The following DAP3 variants were observed in gnomAD, a reference collection of about 807,000 sequenced individuals.
The protein encoded by DAP3 is small ribosomal subunit protein mS29.
In DAP3, 28 loss-of-function variants were observed where a neutral mutation model predicts 51.9. The ratio of observed to expected loss-of-function variants is 0.54; its 90% CI spans 0.40 to 0.74. The LOEUF (loss-of-function observed/expected upper bound fraction) is 0.74. Ranked by LOEUF, DAP3 falls within the 30% of genes least tolerant of loss-of-function variation. The pLI, the probability that DAP3 is intolerant of heterozygous loss-of-function variation, is 0.00. For missense variants in DAP3, 458 were observed against 483.5 expected (o/e 0.95, Z 0.49); for synonymous variants, 170 against 170.3 (o/e 1.00, Z 0.01).
rs1659212851 is a variant in DAP3, at chr1:155,731,259, T to C, written c.844-97T>C. The C allele has an allele frequency of 9.9e-6, 12 of 1,217,884 alleles. No homozygotes were observed. The South Asian group carries it at 1.5e-4, about 15-fold the overall frequency. 75.4% of individuals were successfully genotyped at this position (1,217,884 alleles called of 1,614,324 possible). ...TCCAGCCTGGGCGACAGAGCGAGAC[T>C]CTGTCAAAAAAAAAAAAAAATTGTT... is the stretch of plus-strand genomic sequence containing the variant. On this transcript the variant is annotated intron_variant, in intron 9 of 12. Coordinates refer to ENST00000368336, the MANE Select transcript of DAP3 (RefSeq NM_004632.4).
At chr1:155,729,165 G>C in intron 8 of DAP3, 43 bp downstream of exon 8, 1 of 1,614,124 alleles carries the variant, frequency 6.2e-7, no homozygotes, top group Non-Finnish European at 8.5e-7. Context: ...GATAACAAGA[G>C]AAGGCCTCTG....
At chr1:155,722,693 G>A (rs1050997553) in intron 4 of DAP3, among the ~76,000 whole-genome samples, 7 of 152,084 alleles carry the variant, frequency 4.6e-5, no homozygotes, top group Non-Finnish European at 8.8e-5. Flanking sequence ...TAGCTGCTTC[G>A]GAGGCTGAGG....
In DAP3 at chr1:155,721,523, C is replaced by T. The variant is rs759970366; in HGVS notation, c.175C>T (p.His59Tyr). ...TTGCACTCTTATTTCCTAGGCCAAGCATGGGGATCAGCACGAGGGTCAGCA... is the reference window on the plus strand; with the variant it reads ...TTGCACTCTTATTTCCTAGGCCAAGTATGGGGATCAGCACGAGGGTCAGCA... Reference protein sequence around the residue: ...SRTNENDPAKHGDQHEGQHYN... With the variant: ...SRTNENDPAKYGDQHEGQHYN... The change falls in exon 4 of 13, where the codon CAT becomes TAT. Residue 59 changes from histidine to tyrosine, a missense_variant. His to Tyr is a moderately conservative substitution (Grantham distance 83). Coordinates refer to ENST00000368336, the MANE Select transcript of DAP3 (RefSeq NM_004632.4). 6.2e-7 allele frequency: 1 copy of T among 1,613,786 alleles called. No individual in the cohort carries two copies. The highest frequency in any genetic ancestry group is 1.1e-5 in the South Asian group (1 of 91,074).
At chr1:155,689,444 G>C (rs1271685370) in intron 1 of DAP3, 13 of 463,832 alleles carry the variant, frequency 2.8e-5, no homozygotes, top group African/African-American at 2.6e-4. Context: ...CTCATGGATG[G>C]TACTTCAGCC....
intron 2 of DAP3, among the ~76,000 whole-genome samples, chr1:155,715,693 C>G (rs1175039843): frequency 6.6e-6 from 1 of 152,194 alleles, no homozygotes; most frequent in Non-Finnish European, 1.5e-5. Context: ...CATAACACAT[C>G]TTTTCACTTT....
chr1:155,700,515 G>T (rs1474066023), intron 1 of DAP3, among the ~76,000 whole-genome samples: 6 of 50,074 alleles, frequency 1.2e-4, no homozygotes, highest in Admixed American at 1.7e-4. Flanking sequence ...TGAGGGAGGT[G>T]GGGGGGGCGG....
At chr1:155,728,154 CAG>C (rs754520284) in intron 7 of DAP3, among the ~76,000 whole-genome samples, 30 of 152,100 alleles carry the variant, frequency 2.0e-4, no homozygotes, top group Non-Finnish European at 2.9e-5. Context: ...GGATATAAAG[CAG>C]AGTCACCTAA....
intron 1 of DAP3, among the ~76,000 whole-genome samples, chr1:155,708,831 A>G (rs1475139868): frequency 6.6e-6 from 1 of 151,274 alleles, no homozygotes; most frequent in African/African-American, 2.4e-5. Flanking sequence ...CAGCCTCCCA[A>G]GTAGCTGGGA....
At chr1:155,712,064 A>G (rs1349899102) in intron 2 of DAP3, among the ~76,000 whole-genome samples, 4 of 151,660 alleles carry the variant, frequency 2.6e-5, no homozygotes, top group Admixed American at 2.0e-4. Flanking sequence ...CACTGACTCA[A>G]ATGTTAATCT....
chr1:155,688,998 A>T, upstream of DAP3: 1 of 1,599,252 alleles, frequency 6.3e-7, no homozygotes, highest in South Asian at 1.1e-5. Flanking sequence ...GAGGGGATCG[A>T]GGGCGGCCTA....
At chr1:155,734,980 T>C (rs1219608244) in intron 11 of DAP3, among the ~76,000 whole-genome samples, 1 of 152,024 alleles carries the variant, frequency 6.6e-6, no homozygotes, top group Non-Finnish European at 1.5e-5. Context: ...TTGATAGCTC[T>C]CAGGCTGGGC....
At chr1:155,703,923 A>G (rs1241531713) in intron 1 of DAP3, among the ~76,000 whole-genome samples, 1 of 152,206 alleles carries the variant, frequency 6.6e-6, no homozygotes, top group Non-Finnish European at 1.5e-5. Flanking sequence ...TAGGGCAGGA[A>G]GATTACTTGA....
intron 1 of DAP3, among the ~76,000 whole-genome samples, chr1:155,689,991 C>T (rs539544097): frequency 8.2e-6 from 1 of 122,074 alleles, no homozygotes; most frequent in Non-Finnish European, 1.5e-5. Flanking sequence ...AGAGTATTGC[C>T]GTGTTGTCAT....
chr1:155,709,823 A>G lies in DAP3; in HGVS notation c.44A>G (p.Lys15Arg). 6.2e-7 allele frequency: 1 copy of G among 1,613,630 alleles called. No homozygotes were observed. The highest frequency in any genetic ancestry group is 1.3e-5 in the African/African-American group (1 of 74,994). The part of the protein sequence containing the change: ...GITRLISRIH[K>R]LDPGRFLHMG... ...ACAAGGCTTATCTCTAGGATCCATA[A>G]GGTGAGTCCTGACTGACCTGAACAC... Residue 15 changes from lysine to arginine, a missense_variant and splice_region_variant, in exon 2 of 13, where the codon AAG (lysine) becomes AGG (arginine). Physicochemically the swap from Lys to Arg is conservative, Grantham distance 26. Transcript: ENST00000368336.
chr1:155,702,952 G>C (rs887457281), intron 1 of DAP3, among the ~76,000 whole-genome samples: 3 of 152,190 alleles, frequency 2.0e-5, no homozygotes, highest in Admixed American at 1.3e-4. Context: ...CTGGGTGACA[G>C]AGTGAGACTC....
intron 11 of DAP3, among the ~76,000 whole-genome samples, chr1:155,736,401 G>A (rs1004106465): frequency 2.0e-5 from 3 of 152,084 alleles, no homozygotes; most frequent in Non-Finnish European, 2.9e-5. Context: ...AGTAGCATCC[G>A]CCTCCTCAAG....
chr1:155,731,280 T>C, intron 9 of DAP3, 76 bp from the exon 10 acceptor site: 3 of 1,317,436 alleles, frequency 2.3e-6, no homozygotes, highest in Non-Finnish European at 3.2e-6. Context: ...AAAAAAAAAA[T>C]TGTTGTCAAT....
At chr1:155,712,212 G>A (rs898307569) in intron 2 of DAP3, among the ~76,000 whole-genome samples, 1 of 152,154 alleles carries the variant, frequency 6.6e-6, no homozygotes, top group Non-Finnish European at 1.5e-5. Flanking sequence ...ACTGCAGGAT[G>A]TTCATTCTGG....
chr1:155,713,000 G>T (rs1656905847), intron 2 of DAP3, among the ~76,000 whole-genome samples: 1 of 152,158 alleles, frequency 6.6e-6, no homozygotes, highest in Non-Finnish European at 1.5e-5. Context: ...CTAACACAAA[G>T]GATATTGTTT....
Sources: allele counts gnomAD v4.1 joint callset (sites outside exome capture counted in the v4.1 genomes callset), GRCh38; gene constraint gnomAD v4.1.1; transcripts MANE v1.5; gene names NCBI Gene and HGNC (gene_info 2026-07-23, HGNC 2026-07-21).